The following GLYATL1 variants were observed in gnomAD, a reference collection of about 807,000 sequenced individuals.
GLYATL1 encodes the protein glycine-N-acyltransferase like 1, also known as glycine N-acyltransferase-like protein 1.
In GLYATL1, 15 loss-of-function variants were observed where a neutral mutation model predicts 20.0. That is an observed-to-expected ratio of 0.75 (90% CI 0.50 to 1.15). The LOEUF is 1.15. GLYATL1 is among the 50% of genes most tolerant of loss of function. GLYATL1 has a pLI of 0.00. For missense variants in GLYATL1, 380 were observed against 368.5 expected, an observed-to-expected ratio of 1.03 and a Z score of -0.26; for synonymous variants, 151 against 131.5, an observed-to-expected ratio of 1.15 and a Z score of -1.01.
chr11:58,914,986 A>T (rs922789666), intron 1 of GLYATL1, among the ~76,000 whole-genome samples: 1 of 151,830 alleles, frequency 6.6e-6, no homozygotes, highest in Non-Finnish European at 1.5e-5. Flanking sequence ...TATGTAGGAG[A>T]CTCCAAAATC....
Position 58,943,637 on chromosome 11 carries a change from T to C in GLYATL1, c.-72T>C, listed in dbSNP as rs1163816695. The C allele has an allele frequency of 8.7e-6, 14 of 1,613,484 alleles. No homozygotes were observed. Among genetic ancestry groups the C allele is most frequent in the Admixed American group, 8.3e-5 (5 of 59,984 alleles). On this transcript the variant is annotated 5_prime_UTR_variant, in exon 2 of 7. Transcript: ENST00000532726. ...TACCTGCAGGATCCAATTGTGTCCA[T>C]TGATCTCTCAGAGTGGCTGAGGATA...
intron 1 of GLYATL1, among the ~76,000 whole-genome samples, chr11:58,919,712 A>G (rs1565118842): frequency 6.6e-6 from 1 of 152,218 alleles, no homozygotes; most frequent in Non-Finnish European, 1.5e-5. Context: ...AAATTTTCAC[A>G]GGATGTGGCT....
chr11:58,905,806 C>T (rs919143679), intron 1 of GLYATL1: 2 of 383,904 alleles, frequency 5.2e-6, no homozygotes, highest in African/African-American at 2.1e-5. Context: ...CGAGCGCGTG[C>T]GCCCAGGCGT....
At chr11:58,933,787 T>A (rs940844478) in intron 1 of GLYATL1, 1 of 152,206 alleles carries the variant, frequency 6.6e-6, no homozygotes, top group South Asian at 2.1e-4. Flanking sequence ...ATCCAGCAAC[T>A]CTTTGTAGGG....
In GLYATL1 at chr11:58,947,181, G is replaced by C; in HGVS notation, c.78+16G>C. The C allele has an allele frequency of 6.2e-7, 1 of 1,613,088 alleles. No homozygotes were observed. The highest frequency in any genetic ancestry group is 8.5e-7 in the Non-Finnish European group (1 of 1,179,738). ...GTCCCTGAAGGTCAGGGAACAGTGG[G>C]AGGTCAGGGTATGGGAGTAGGGGTG... is the stretch of plus-strand genomic sequence containing the variant. On this transcript the variant is annotated intron_variant, in intron 3 of 6. Transcript: ENST00000532726.
intron 1 of GLYATL1, among the ~76,000 whole-genome samples, chr11:58,941,524 G>A (rs1267671658): frequency 1.3e-5 from 2 of 152,162 alleles, no homozygotes; most frequent in African/African-American, 4.8e-5. Flanking sequence ...TGTCTTTATA[G>A]CAGCATGATT....
chr11:58,947,504 C>T, intron 3 of GLYATL1: 2 of 446,644 alleles, frequency 4.5e-6, no homozygotes, highest in Non-Finnish European at 8.0e-6. Flanking sequence ...TCTGACTTTA[C>T]GTTTGGTTTT....
downstream of GLYATL1, among the ~76,000 whole-genome samples, chr11:58,910,711 C>G (rs1347641935): frequency 6.6e-6 from 1 of 152,008 alleles, no homozygotes; most frequent in Non-Finnish European, 1.5e-5. Flanking sequence ...GTAGAAGTTA[C>G]AAAAAACGAT....
intron 1 of GLYATL1, among the ~76,000 whole-genome samples, chr11:58,931,588 A>G (rs565432945): frequency 6.6e-6 from 1 of 152,344 alleles, no homozygotes; most frequent in East Asian, 1.9e-4. Flanking sequence ...TCCAGATTAC[A>G]TACTTGAATG....
intron 1 of GLYATL1, among the ~76,000 whole-genome samples, chr11:58,906,399 T>C (rs1854886504): frequency 6.6e-6 from 1 of 152,080 alleles, no homozygotes; most frequent in Non-Finnish European, 1.5e-5. Flanking sequence ...TGAGACCAGG[T>C]TCGGTTAAGC....
chr11:58,950,734 C>A (rs1338682287), intron 4 of GLYATL1, among the ~76,000 whole-genome samples: 1 of 152,154 alleles, frequency 6.6e-6, no homozygotes, highest in Non-Finnish European at 1.5e-5. Flanking sequence ...TGAATATTAT[C>A]CCTCTTTTAA....
chr11:58,940,066 A>T (rs894447094), intron 1 of GLYATL1, among the ~76,000 whole-genome samples: 2 of 151,948 alleles, frequency 1.3e-5, no homozygotes, highest in Non-Finnish European at 2.9e-5. Context: ...ATAAACTGAC[A>T]CTCTTTTGTA....
chr11:58,940,448 T>G (rs1856057160), intron 1 of GLYATL1, among the ~76,000 whole-genome samples: 2 of 152,160 alleles, frequency 1.3e-5, no homozygotes, highest in African/African-American at 2.4e-5. Context: ...AGATGTGTCT[T>G]TGGGTGTATG....
At chr11:58,954,049 C>T (rs1361794329) in intron 4 of GLYATL1, among the ~76,000 whole-genome samples, 1 of 152,140 alleles carries the variant, frequency 6.6e-6, no homozygotes, top group Non-Finnish European at 1.5e-5. Context: ...GGGTGTAAAG[C>T]CAGTGTCACT....
rs368575971 is a variant in GLYATL1, at chr11:58,920,288, C to A, written n.264+14627C>A. Among the ~76,000 whole-genome samples the A allele has an allele frequency of 8.2e-4, 125 of 152,212 alleles. 2 individuals carry two copies. The South Asian group carries it at 0.024, about 30-fold the overall frequency. On this transcript the variant is annotated intron_variant and non_coding_transcript_variant, in intron 1 of 2. Transcript: ENST00000534674. ...CAACTGCAGGAGGAAAGAAAGAGTT[C>A]TCTTTCTTTGTAAATAGTCCCATGA...
chr11:58,910,386 A>T (rs1855010785), downstream of GLYATL1, among the ~76,000 whole-genome samples: 1 of 152,208 alleles, frequency 6.6e-6, no homozygotes, highest in South Asian at 2.1e-4. Context: ...TGTTCAAGAC[A>T]GTTGCCATAA....
At chr11:58,922,414 G>A (rs188683137) in intron 1 of GLYATL1, among the ~76,000 whole-genome samples, 8 of 152,260 alleles carry the variant, frequency 5.3e-5, no homozygotes, top group South Asian at 2.1e-4. Flanking sequence ...CTCCCTGGAT[G>A]TGGCCATGCT....
chr11:58,923,626 A>C (rs943871557), upstream of GLYATL1, among the ~76,000 whole-genome samples: 1 of 152,046 alleles, frequency 6.6e-6, no homozygotes, highest in Admixed American at 6.5e-5. Flanking sequence ...GTGAGTGTGA[A>C]TCATCCTTAG....
chr11:58,940,889 C>G (rs551064055), intron 1 of GLYATL1, among the ~76,000 whole-genome samples: 119 of 152,218 alleles, frequency 7.8e-4, no homozygotes, highest in South Asian at 4.2e-3. Context: ...ATTGCTTGAG[C>G]CTGAATGATC....
Sources: allele counts gnomAD v4.1 joint callset (sites outside exome capture counted in the v4.1 genomes callset), GRCh38; gene constraint gnomAD v4.1.1; transcripts MANE v1.5; gene names NCBI Gene and HGNC (gene_info 2026-07-23, HGNC 2026-07-21).